The following SLC9A9 variants were observed in gnomAD, a reference collection of about 807,000 sequenced individuals.
SLC9A9 encodes solute carrier family 9 member A9, also known as sodium/hydrogen exchanger 9.
A neutral mutation model predicts 77.8 loss-of-function variants in SLC9A9; 62 were observed. That is an observed-to-expected ratio of 0.80 (90% CI 0.65 to 0.98). SLC9A9 has a LOEUF of 0.98. Among genes scored for constraint, SLC9A9 ranks in the 50% least tolerant of loss-of-function variants. SLC9A9 has a pLI of 0.00. For missense variants in SLC9A9, 775 were observed against 774.9 expected (o/e 1.00, Z 0.00); for synonymous variants, 320 against 283.5 (o/e 1.13, Z -1.29).
intron 2 of SLC9A9, among the ~76,000 whole-genome samples, chr3:143,798,374 C>T (rs2008450511): frequency 6.6e-6 from 1 of 152,160 alleles, no homozygotes; most frequent in South Asian, 2.1e-4. Context: ...GGGACACCTG[C>T]CTTGGTCATT....
chr3:143,717,074 T>C (rs1033466667), intron 4 of SLC9A9, among the ~76,000 whole-genome samples: 2 of 152,092 alleles, frequency 1.3e-5, no homozygotes, highest in African/African-American at 2.4e-5. Context: ...CCAGGGTGGG[T>C]ATGCCATGGC....
intron 14 of SLC9A9, among the ~76,000 whole-genome samples, chr3:143,280,104 A>G (rs1277725857): frequency 6.6e-6 from 1 of 152,180 alleles, no homozygotes; most frequent in Non-Finnish European, 1.5e-5. Context: ...TATAGGCATG[A>G]GTCACCAGGG....
chr3:143,621,170 G>A (rs1266888409), intron 6 of SLC9A9, among the ~76,000 whole-genome samples: 2 of 152,218 alleles, frequency 1.3e-5, no homozygotes, highest in African/African-American at 4.8e-5. Flanking sequence ...GCCTGCCTCT[G>A]TAGACTCCAC....
At chr3:143,458,028 G>A (rs1312905569) in intron 12 of SLC9A9, among the ~76,000 whole-genome samples, 1 of 152,164 alleles carries the variant, frequency 6.6e-6, no homozygotes. Context: ...TCAGGGACAA[G>A]TACTGATGTT....
chr3:143,560,225 G>T (rs927849522), intron 8 of SLC9A9, among the ~76,000 whole-genome samples: 1 of 152,174 alleles, frequency 6.6e-6, no homozygotes, highest in Non-Finnish European at 1.5e-5. Context: ...ACTATTAGGG[G>T]ATGTCCATGA....
chr3:143,559,607 C>T (rs1333927769), intron 8 of SLC9A9, among the ~76,000 whole-genome samples: 1 of 151,774 alleles, frequency 6.6e-6, no homozygotes, highest in Non-Finnish European at 1.5e-5. Context: ...TAAATGAAAC[C>T]TTTAAGCATT....
At chr3:143,364,062 G>C (rs2032829072) in intron 13 of SLC9A9, among the ~76,000 whole-genome samples, 1 of 152,084 alleles carries the variant, frequency 6.6e-6, no homozygotes, top group African/African-American at 2.4e-5. Flanking sequence ...TTTTGAAATA[G>C]ATATTCCTGA....
intron 4 of SLC9A9, among the ~76,000 whole-genome samples, chr3:143,728,164 A>G (rs1454462069): frequency 6.6e-6 from 1 of 152,202 alleles, no homozygotes; most frequent in African/African-American, 2.4e-5. Flanking sequence ...GAGTGTGAAC[A>G]AAACAGAAAA....
chr3:143,737,878 G>A lies in SLC9A9; in HGVS notation c.534-44571C>T, dbSNP rs114410134. On this transcript the variant is annotated intron_variant, in intron 4 of 15. Transcript: ENST00000316549. Reference sequence around the variant, plus strand: ...CAACAGCAGCAGCAGCAGCAAGAACGTATACTCTTACTAAATATGTAAGAC... The same window carrying A: ...CAACAGCAGCAGCAGCAGCAAGAACATATACTCTTACTAAATATGTAAGAC... 3.3e-3 allele frequency among the ~76,000 whole-genome samples: 507 copies of A among 152,176 alleles called. 5 individuals carry two copies. The highest frequency in any genetic ancestry group is 0.011 in the African/African-American group (475 of 41,526).
intron 1 of SLC9A9, among the ~76,000 whole-genome samples, chr3:143,846,272 G>T (rs866228469): frequency 1.3e-5 from 2 of 152,278 alleles, no homozygotes; most frequent in Non-Finnish European, 1.5e-5. Flanking sequence ...TCTAATAAAG[G>T]TTGGCAATCT....
intron 4 of SLC9A9, among the ~76,000 whole-genome samples, chr3:143,724,459 T>TA (rs2108804874): frequency 6.6e-6 from 1 of 152,338 alleles, no homozygotes; most frequent in East Asian, 1.9e-4. Context: ...CTAACACACA[T>TA]GTCTTCATTG....
intron 12 of SLC9A9, among the ~76,000 whole-genome samples, chr3:143,435,415 A>T (rs1245960042): frequency 6.6e-6 from 1 of 152,222 alleles, no homozygotes; most frequent in Non-Finnish European, 1.5e-5. Flanking sequence ...AAAGTAAACA[A>T]GCTTTAAATA....
chr3:143,736,977 G>T (rs899993598), intron 4 of SLC9A9, among the ~76,000 whole-genome samples: 8 of 152,086 alleles, frequency 5.3e-5, no homozygotes, highest in Admixed American at 3.3e-4. Context: ...GTATTTGAAA[G>T]AATTATTTTA....
chr3:143,466,885 A>T, intron 12 of SLC9A9, 152 bp downstream of exon 12: 1 of 955,400 alleles, frequency 1.0e-6, no homozygotes, highest in Non-Finnish European at 1.6e-6. Context: ...ACTATGTCAT[A>T]TTGTTTCACC....
intron 9 of SLC9A9, among the ~76,000 whole-genome samples, chr3:143,540,714 T>G (rs1003729023): frequency 6.6e-6 from 1 of 152,226 alleles, no homozygotes; most frequent in South Asian, 2.1e-4. Context: ...CGAGTTGTGA[T>G]GCACTACTCT....
chr3:143,282,786 A>G (rs1266526318), intron 14 of SLC9A9, among the ~76,000 whole-genome samples: 1 of 152,228 alleles, frequency 6.6e-6, no homozygotes, highest in Non-Finnish European at 1.5e-5. Flanking sequence ...TAGATTGTCT[A>G]ATACCAGACT....
intron 8 of SLC9A9, among the ~76,000 whole-genome samples, chr3:143,557,686 T>G (rs2037010813): frequency 6.6e-6 from 1 of 152,212 alleles, no homozygotes; most frequent in African/African-American, 2.4e-5. Context: ...TTGCTATGCT[T>G]TAGCAAAGAG....
At chr3:143,815,396 C>A (rs925092306) in intron 2 of SLC9A9, among the ~76,000 whole-genome samples, 1 of 152,132 alleles carries the variant, frequency 6.6e-6, no homozygotes, top group African/African-American at 2.4e-5. Flanking sequence ...GCCTTAGAGG[C>A]CACTAGTTGG....
At chr3:143,612,922 A>AT (rs893251145) in intron 6 of SLC9A9, among the ~76,000 whole-genome samples, 2 of 152,162 alleles carry the variant, frequency 1.3e-5, no homozygotes, top group Non-Finnish European at 2.9e-5. Flanking sequence ...ACTGATATGG[A>AT]TTTTTTCCCC....
Sources: gnomAD v4.1 joint callset for allele counts (sites outside exome capture counted in the v4.1 genomes callset) on GRCh38, gnomAD v4.1.1 for gene constraint, MANE v1.5 for transcripts, NCBI Gene and HGNC (gene_info 2026-07-23, HGNC 2026-07-21) for gene names.